Variants in CHD7 observed in about 807,000 individuals in gnomAD.
CHD7 encodes ATP-dependent chromatin remodeler CHD7.
A neutral mutation model predicts 307.3 loss-of-function variants in CHD7; 24 were observed. The observed-to-expected ratio is 0.08, with a 90% CI of 0.06 to 0.11. CHD7 has a LOEUF of 0.11. CHD7 is among the 10% of genes least tolerant of loss of function. The pLI is 1.00. For missense variants in CHD7, 3,106 were observed against 3,727.1 expected (o/e 0.83, Z 4.34); for synonymous variants, 1,363 against 1,349.9 (o/e 1.01, Z -0.21).
intron 1 of CHD7, among the ~76,000 whole-genome samples, chr8:60,683,344 T>A (rs1425981029): frequency 6.6e-6 from 1 of 152,260 alleles, no homozygotes; most frequent in Non-Finnish European, 1.5e-5. Context: ...TCAATTTGGG[T>A]ATCACTCAGG....
intron 1 of CHD7, among the ~76,000 whole-genome samples, chr8:60,693,347 T>A (rs961283875): frequency 2.6e-5 from 4 of 152,218 alleles, no homozygotes; most frequent in Non-Finnish European, 5.9e-5. Context: ...GTCTGTCTGC[T>A]GCACCCTTTA....
At position 60,849,125 on chromosome 8, in the gene CHD7, A is replaced by G. The variant is rs1305295515; in HGVS notation, c.5375A>G (p.Lys1792Arg). 1 of 1,613,134 alleles carries G rather than the reference A, an allele frequency of 6.2e-7. No homozygotes were observed. Among genetic ancestry groups the G allele is most frequent in the Admixed American group, 1.7e-5 (1 of 60,014 alleles). Residue 1792 changes from lysine to arginine, a missense_variant, in exon 25 of 38, where the codon AAA (lysine) becomes AGA (arginine). By Grantham distance (26) the Lys-to-Arg change is conservative (BLOSUM62 2). Transcript: ENST00000423902. ...PADWWDKEAD[K>R]SLLIGVFKHG... Reference sequence around the variant, plus strand: ...GATTGGTGGGATAAGGAAGCAGACAAATCCCTCTTAATTGGAGTGTTCAAA... The same window carrying G: ...GATTGGTGGGATAAGGAAGCAGACAGATCCCTCTTAATTGGAGTGTTCAAA...
At chr8:60,799,869 A>C (rs1812210989) in intron 4 of CHD7, among the ~76,000 whole-genome samples, 1 of 152,132 alleles carries the variant, frequency 6.6e-6, no homozygotes, top group South Asian at 2.1e-4. Flanking sequence ...TGGCAGGGCT[A>C]CAGCTGTCCC....
In CHD7 at chr8:60,836,121, A is replaced by G; in HGVS notation, c.3827A>G (p.Glu1276Gly). ...GAGTTTAAAGAAACACACAATGCAGAGTCTCCAGATTTTCAGCTCCAGGCA... is the reference window on the plus strand; with the variant it reads ...GAGTTTAAAGAAACACACAATGCAGGGTCTCCAGATTTTCAGCTCCAGGCA... ...LEEFKETHNA[E>G]SPDFQLQAMI... Residue 1276 changes from glutamate to glycine, a missense_variant, in exon 16 of 38, where the codon GAG becomes GGG. Around this residue, in one of 10 missense-constraint regions of CHD7, gnomAD observed 232 missense variants for 422.5 expected, o/e 0.55. Coordinates refer to ENST00000423902, the MANE Select transcript of CHD7 (RefSeq NM_017780.4). 1 of 1,613,364 alleles carries G rather than the reference A, an allele frequency of 6.2e-7. No individual in the cohort carries two copies. Among genetic ancestry groups the G allele is most frequent in the Non-Finnish European group, 8.5e-7 (1 of 1,179,680 alleles).
At chr8:60,854,911 C>G (rs941574798) in intron 32 of CHD7, among the ~76,000 whole-genome samples, 7 of 152,162 alleles carry the variant, frequency 4.6e-5, no homozygotes, top group Non-Finnish European at 1.0e-4. Context: ...TTTTGGAAAC[C>G]TACCAGCTTC....
rs760507148 is a variant in CHD7, at chr8:60,853,514, A to C, written c.6775+14A>C. ...CCCAGCCCGAAGGTAAGGCCTTACC[A>C]CTGGCCCCTCTCCTGACCCTGCAGC... On this transcript the variant is annotated intron_variant, in intron 31 of 37. Transcript: ENST00000423902. 1 of 1,501,048 alleles carries C rather than the reference A, an allele frequency of 6.7e-7. No individual in the cohort carries two copies. The highest frequency in any genetic ancestry group is 2.3e-5 in the East Asian group (1 of 43,748). The allele number at this position is 1,501,048 out of a possible 1,614,324, so 93.0% of individuals were successfully genotyped here.
chr8:60,860,977 G>A lies in CHD7; in HGVS notation c.7682G>A (p.Gly2561Glu), dbSNP rs1046787337. ...TPPTRNIPSP[G>E]QLDPDTRIPV... ...CCAACAAGAAACATTCCTTCTCCCG[G>A]ACAGCTGGACCCAGACACACGGATC... Residue 2561 changes from glycine (G) to glutamate (E), a missense_variant, in exon 35 of 38, where the codon GGA becomes GAA. Physicochemically the swap from Gly to Glu is moderately conservative, Grantham distance 98. Around this residue, in one of 10 missense-constraint regions of CHD7, gnomAD observed 1,030 missense variants for 1,165.4 expected, o/e 0.88. Coordinates refer to ENST00000423902, the MANE Select transcript of CHD7 (RefSeq NM_017780.4). 6 of 1,613,972 alleles carry A rather than the reference G, an allele frequency of 3.7e-6. No homozygotes were observed. Among genetic ancestry groups the A allele is most frequent in the Non-Finnish European group, 5.1e-6 (6 of 1,179,886 alleles).
chr8:60,860,242 C>T (rs528409626), intron 34 of CHD7, among the ~76,000 whole-genome samples: 1 of 152,134 alleles, frequency 6.6e-6, no homozygotes, highest in Non-Finnish European at 1.5e-5. Flanking sequence ...TCTTTAATAT[C>T]ATTATCCGGG....
chr8:60,721,090 G>T (rs982257293), intron 1 of CHD7, among the ~76,000 whole-genome samples: 4 of 152,086 alleles, frequency 2.6e-5, no homozygotes, highest in African/African-American at 4.8e-5. Context: ...ATGGAGCCTG[G>T]GCATTTTCCT....
At chr8:60,859,574 G>A (rs1368120076) in intron 34 of CHD7, among the ~76,000 whole-genome samples, 3 of 152,218 alleles carry the variant, frequency 2.0e-5, no homozygotes, top group Non-Finnish European at 4.4e-5. Context: ...GGGAGTGGAG[G>A]GAAGAGGATA....
intron 3 of CHD7, among the ~76,000 whole-genome samples, chr8:60,784,733 A>G (rs760798031): frequency 1.2e-4 from 18 of 152,164 alleles, no homozygotes; most frequent in Non-Finnish European, 1.9e-4. Flanking sequence ...ATGATCATAC[A>G]TGTCTTTCCT....
intron 1 of CHD7, among the ~76,000 whole-genome samples, chr8:60,696,021 T>A (rs1806449477): frequency 6.6e-6 from 1 of 152,244 alleles, no homozygotes; most frequent in Non-Finnish European, 1.5e-5. Flanking sequence ...GCCACAGCAT[T>A]TCTTTTTGAC....
At chr8:60,804,801 G>A (rs1044894437) in intron 6 of CHD7, among the ~76,000 whole-genome samples, 5 of 152,172 alleles carry the variant, frequency 3.3e-5, no homozygotes, top group African/African-American at 1.2e-4. Context: ...CAGGTGGCTG[G>A]AGAACTCATT....
At chr8:60,816,966 G>A (rs1262942528) in intron 8 of CHD7, among the ~76,000 whole-genome samples, 6 of 152,240 alleles carry the variant, frequency 3.9e-5, no homozygotes, top group Non-Finnish European at 1.5e-5. Context: ...ATGCTGTGCT[G>A]TAGTGTAGAA....
Position 60,852,037 on chromosome 8 carries a change from A to T in CHD7, c.5684A>T (p.Asn1895Ile). Reference protein sequence around the residue: ...IHATGKHSESNAELGQLYWPN... With the variant: ...IHATGKHSESIAELGQLYWPN... Reference sequence around the variant, plus strand: ...TCCCCAGGCAAGCACAGTGAGAGTAATGCTGAGTTAGGCCAACTTTACTGG... The same window carrying T: ...TCCCCAGGCAAGCACAGTGAGAGTATTGCTGAGTTAGGCCAACTTTACTGG... Residue 1895 changes from asparagine to isoleucine, a missense_variant, in exon 29 of 38, where the codon AAT becomes ATT. Coordinates refer to ENST00000423902, the MANE Select transcript of CHD7 (RefSeq NM_017780.4). The T allele has an allele frequency of 6.2e-7, 1 of 1,612,454 alleles. No homozygotes were observed. Among genetic ancestry groups the T allele is most frequent in the East Asian group, 2.2e-5 (1 of 44,866 alleles).
intron 2 of CHD7, among the ~76,000 whole-genome samples, chr8:60,765,899 C>A (rs112900865): frequency 2.6e-5 from 4 of 152,150 alleles, no homozygotes; most frequent in African/African-American, 9.6e-5. Context: ...TGATGACCAC[C>A]CAGACTTAAG....
chr8:60,685,651 A>G (rs1470155449), intron 1 of CHD7, among the ~76,000 whole-genome samples: 2 of 152,198 alleles, frequency 1.3e-5, no homozygotes, highest in East Asian at 1.9e-4. Flanking sequence ...GAAGAATACC[A>G]ATGTTTATCA....
At chr8:60,846,604 C>T (rs1176506581) in intron 23 of CHD7, among the ~76,000 whole-genome samples, 1 of 152,206 alleles carries the variant, frequency 6.6e-6, no homozygotes, top group African/African-American at 2.4e-5. Flanking sequence ...GTCCAGTAGA[C>T]CTCGGCAGCA....
At chr8:60,684,367 T>A (rs971815819) in intron 1 of CHD7, among the ~76,000 whole-genome samples, 4 of 152,206 alleles carry the variant, frequency 2.6e-5, no homozygotes, top group African/African-American at 4.8e-5. Flanking sequence ...TTGATTCGGC[T>A]GTTTGTTGGG....
Sources: allele counts gnomAD v4.1 joint callset (sites outside exome capture counted in the v4.1 genomes callset), GRCh38; gene constraint gnomAD v4.1.1; regional missense constraint gnomAD v4.1.1; transcripts MANE v1.5; gene names NCBI Gene and HGNC (gene_info 2026-07-23, HGNC 2026-07-21).